KIF23: variants seen among roughly 807,000 people sequenced by gnomAD.
The protein encoded by KIF23 is kinesin-like protein KIF23.
In KIF23, 30 loss-of-function variants were observed where a neutral mutation model predicts 137.5. The observed-to-expected ratio is 0.22, with a 90% CI of 0.16 to 0.30. KIF23 has a LOEUF of 0.30. Ranked by LOEUF, KIF23 falls within the 10% of genes least tolerant of loss-of-function variation. The pLI is 1.00. For synonymous variants in KIF23, 367 were observed against 391.1 expected (o/e 0.94, Z 0.73); for missense variants, 920 against 1,194.3 (o/e 0.77, Z 3.38).
Position 69,448,065 on chromosome 15 carries a change from C to G in KIF23, c.*258C>G, listed in dbSNP as rs2057776517. ...CAGAGGAAGACTCCTTTTTTCATCA[C>G]TGTATGAATTTTTTATAATGTTTTT... On this transcript the variant is annotated 3_prime_UTR_variant, in exon 24 of 24. Transcript: ENST00000679126. 3.2e-6 allele frequency: 1 copy of G among 308,318 alleles called. No individual in the cohort carries two copies. Among genetic ancestry groups the G allele is most frequent in the Non-Finnish European group, 5.9e-6 (1 of 169,434 alleles). The allele number at this position is 308,318 out of a possible 1,614,324, so 19.1% of individuals were successfully genotyped here.
At chr15:69,416,420 C>T (rs1479603335) in intron 2 of KIF23, among the ~76,000 whole-genome samples, 1 of 152,118 alleles carries the variant, frequency 6.6e-6, no homozygotes, top group Admixed American at 6.5e-5. Flanking sequence ...AGGAGAGTTC[C>T]AAACTTCTTG....
At position 69,447,650 on chromosome 15, in the gene KIF23, TA is replaced by T. The variant is rs201215348; in HGVS notation, c.2910-138del. On this transcript the variant is annotated intron_variant, in intron 23 of 23. Coordinates refer to ENST00000679126, the MANE Select transcript of KIF23 (RefSeq NM_001367805.3). ...TTAATACTAAGATAAGCATATTTTA[TA>T]AAAGTTGTTTGCTTTCTCAGAGGGA... 6.5e-3 allele frequency: 4,311 copies of T among 666,204 alleles called. 279 individuals are homozygous for T. The Admixed American group carries it at 0.1, about 16-fold the overall frequency. 41.3% of individuals were successfully genotyped at this position (666,204 alleles called of 1,614,324 possible).
At chr15:69,428,821 C>CA (rs1386072399) in intron 10 of KIF23, among the ~76,000 whole-genome samples, 1 of 152,050 alleles carries the variant, frequency 6.6e-6, no homozygotes, top group African/African-American at 2.4e-5. Flanking sequence ...AGGCACTGTG[C>CA]AGCATGCTGG....
intron 20 of KIF23, 109 bp downstream of exon 20, chr15:69,445,150 C>G (rs2057713391): frequency 1.9e-6 from 2 of 1,056,074 alleles, no homozygotes; most frequent in South Asian, 1.7e-5. Context: ...ACTGGAACAT[C>G]AGTAGGTATT....
intron 3 of KIF23, among the ~76,000 whole-genome samples, chr15:69,418,138 C>T (rs1278949449): frequency 6.6e-6 from 1 of 152,222 alleles, no homozygotes; most frequent in East Asian, 1.9e-4. Flanking sequence ...GCTACCATTT[C>T]TACTTCTAGC....
At position 69,429,120 on chromosome 15, in the gene KIF23, C is replaced by G. The variant is rs779491232; in HGVS notation, c.1021C>G (p.Gln341Glu). ...DGDNVLQEKE[Q>E]ITISQLSLVD... is the part of the protein sequence containing the mutation. ...TTTGTGATCTTTTTAGGAAAAAGAACAAATCACTATAAGTCAGTTGTCCTT... is the reference window on the plus strand; with the variant it reads ...TTTGTGATCTTTTTAGGAAAAAGAAGAAATCACTATAAGTCAGTTGTCCTT... The change falls in exon 11 of 24, where the codon CAA becomes GAA. Residue 341 changes from glutamine to glutamate, a missense_variant. Transcript: ENST00000679126. 6.2e-7 allele frequency: 1 copy of G among 1,610,032 alleles called. No individual in the cohort carries two copies. Among genetic ancestry groups the G allele is most frequent in the Non-Finnish European group, 8.5e-7 (1 of 1,177,696 alleles).
At chr15:69,445,518 C>T (rs945844762) in intron 20 of KIF23, among the ~76,000 whole-genome samples, 4 of 142,568 alleles carry the variant, frequency 2.8e-5, no homozygotes, top group African/African-American at 7.9e-5. Context: ...ATCATAGGGT[C>T]AGTGAATAAT....
At position 69,441,033 on chromosome 15, in the gene KIF23, C is replaced by G. The variant is rs929465454; in HGVS notation, c.2375C>G (p.Pro792Arg). ...MYWTEGREVV[P>R]TFRNEIEIEE... ...TGGACTGAAGGCAGGGAGGTGGTTC[C>G]TACATTCAGAAATGAGATAGAAATA... The change falls in exon 19 of 24, where the codon CCT becomes CGT. Residue 792 changes from proline to arginine, a missense_variant. This residue lies in a region of KIF23 where 714 missense variants were observed against 866.2 expected (regional missense o/e 0.82). Coordinates refer to ENST00000679126, the MANE Select transcript of KIF23 (RefSeq NM_001367805.3). 1.9e-6 allele frequency: 3 copies of G among 1,613,802 alleles called. No homozygotes were observed. Among genetic ancestry groups the G allele is most frequent in the Non-Finnish European group, 1.7e-6 (2 of 1,179,896 alleles).
At chr15:69,447,090 G>C (rs1002859426) in intron 23 of KIF23, 149 bp downstream of exon 23, 1 of 711,778 alleles carries the variant, frequency 1.4e-6, no homozygotes, top group Non-Finnish European at 2.5e-6. Context: ...GCCTCCATGG[G>C]CAGACTGCAG....
Position 69,416,013 on chromosome 15 carries a change from A to G in KIF23, c.31A>G (p.Lys11Glu). 1 of 1,580,140 alleles carries G rather than the reference A, an allele frequency of 6.3e-7. No individual in the cohort carries two copies. Among genetic ancestry groups the G allele is most frequent in the Admixed American group, 2.0e-5 (1 of 49,920 alleles). Residue 11 changes from lysine to glutamate, a missense_variant, in exon 2 of 24, where the codon AAA (lysine) becomes GAA (glutamate). Lys to Glu is a moderately conservative substitution (Grantham distance 56). Transcript: ENST00000679126. MKSARAKTPR[K>E]PTVKKGSQTN... is the part of the protein sequence containing the mutation. ...GACCAGGAGAGCTAAGACACCCCGG[A>G]AACCTACCGTGAAAAAAGGGTCCCA...
chr15:69,447,046 T>C (rs1323688539), intron 23 of KIF23, 105 bp downstream of exon 23: 1 of 1,127,550 alleles, frequency 8.9e-7, no homozygotes, highest in African/African-American at 1.5e-5. Context: ...TCAGAAGAAA[T>C]ATATGGTTTT....
chr15:69,439,650 G>T (rs1259475480), intron 16 of KIF23, among the ~76,000 whole-genome samples: 1 of 152,046 alleles, frequency 6.6e-6, no homozygotes, highest in African/African-American at 2.4e-5. Context: ...CTAAATTTTA[G>T]CCCTTAATTT....
chr15:69,426,568 A>C, intron 10 of KIF23, 111 bp downstream of exon 10: 3 of 1,183,894 alleles, frequency 2.5e-6, no homozygotes, highest in Non-Finnish European at 3.6e-6. Flanking sequence ...AATTGGAAAA[A>C]TCAGCCAGGC....
Position 69,416,024 on chromosome 15 carries a change from G to A in KIF23, c.42G>A (p.Val14=). 1.3e-6 allele frequency: 2 copies of A among 1,578,308 alleles called. No individual in the cohort carries two copies. The highest frequency in any genetic ancestry group is 1.7e-6 in the Non-Finnish European group (2 of 1,169,688). The change falls in exon 2 of 24, where the codon GTG becomes GTA. Residue 14 remains valine, a synonymous_variant. Coordinates refer to ENST00000679126, the MANE Select transcript of KIF23 (RefSeq NM_001367805.3). The stretch of plus-strand genomic sequence containing the variant: ...CTAAGACACCCCGGAAACCTACCGT[G>A]AAAAAAGGGTCCCAAACGAACCTTA... ...ARAKTPRKPT[V]KKGSQTNLKD...
chr15:69,428,657 T>TC (rs1228023774), intron 10 of KIF23, among the ~76,000 whole-genome samples: 2 of 57,696 alleles, frequency 3.5e-5, no homozygotes, highest in Non-Finnish European at 6.2e-5. Flanking sequence ...AGACTCTGTC[T>TC]CCCAAAAAAA....
rs775404597 is a variant in KIF23 at position 69,444,057 on chromosome 15, AC to A, written c.2422-731del. On this transcript the variant is annotated intron_variant, in intron 19 of 23. Transcript: ENST00000679126. The surrounding 1 kb of genome is among the most constrained non-coding windows in gnomAD (Gnocchi z 4.2). ...ACTTCTGAGTTCAAGTGATTCCTCC[AC>A]CTCGGCCTTCCAAAGTGCTGATTAC... 7.2e-5 allele frequency: 11 copies of A among 152,014 alleles called. No individual in the cohort carries two copies. The highest frequency in any genetic ancestry group is 1.3e-4 in the Non-Finnish European group (9 of 68,018). The allele number at this position is 152,014 out of a possible 1,614,324, so 9.4% of individuals were successfully genotyped here.
chr15:69,429,440 G>A lies in KIF23; in HGVS notation c.1114+227G>A, dbSNP rs528184775. Among the ~76,000 whole-genome samples the A allele has an allele frequency of 6.6e-5, 10 of 152,228 alleles. No individual in the cohort carries two copies. In the East Asian group the frequency reaches 1.9e-3, roughly 30 times the overall value. ...CCATTGTAACCTTCTGAGTAGATGG[G>A]ACTACAGGTATGCACCACCATGCCT... On this transcript the variant is annotated intron_variant, in intron 11 of 23. Coordinates refer to ENST00000679126, the MANE Select transcript of KIF23 (RefSeq NM_001367805.3).
At chr15:69,436,077 G>A in intron 13 of KIF23, 61 bp from the exon 14 acceptor site, 7 of 1,580,706 alleles carry the variant, frequency 4.4e-6, no homozygotes, top group Non-Finnish European at 4.3e-6. Flanking sequence ...GCTTCATTTA[G>A]TAATTTCTGG....
chr15:69,417,390 G>A lies in KIF23; in HGVS notation c.89G>A (p.Cys30Tyr), dbSNP rs1224677216. 1.2e-6 allele frequency: 2 copies of A among 1,608,218 alleles called. No homozygotes were observed. The highest frequency in any genetic ancestry group is 2.7e-5 in the African/African-American group (2 of 74,750). The change falls in exon 3 of 24, where the codon TGT (cysteine) becomes TAT (tyrosine). Residue 30 changes from cysteine (C) to tyrosine (Y), a missense_variant. By Grantham distance (194) the Cys-to-Tyr change is radical. Around this residue, in one of 4 missense-constraint regions of KIF23, gnomAD observed 124 missense variants for 122.0 expected, o/e 1.02. Coordinates refer to ENST00000679126, the MANE Select transcript of KIF23 (RefSeq NM_001367805.3). Reference sequence around the variant, plus strand: ...ACCTTCCTATTTCTTCAGGTATACTGTAGGGTGCGCCCACTGGGCTTTCCT... The same window carrying A: ...ACCTTCCTATTTCTTCAGGTATACTATAGGGTGCGCCCACTGGGCTTTCCT... ...TNLKDPVGVY[C>Y]RVRPLGFPDQ...
Sources: allele counts gnomAD v4.1 joint callset (sites outside exome capture counted in the v4.1 genomes callset), GRCh38; gene constraint gnomAD v4.1.1; regional missense constraint gnomAD v4.1.1; non-coding constraint Gnocchi (gnomAD v3.1); transcripts MANE v1.5; gene names NCBI Gene and HGNC (gene_info 2026-07-23, HGNC 2026-07-21).